The following EPHA3 variants were observed in gnomAD, a reference collection of about 807,000 sequenced individuals.
The protein encoded by EPHA3 is EPH receptor A3.
In EPHA3, 42 loss-of-function variants were observed where a neutral mutation model predicts 107.1. The ratio of observed to expected loss-of-function variants is 0.39; its 90% CI spans 0.31 to 0.51. EPHA3 has a LOEUF of 0.51. Among genes scored for constraint, EPHA3 ranks in the 20% least tolerant of loss-of-function variants. EPHA3 has a pLI of 0.78. For synonymous variants in EPHA3, 461 were observed against 424.8 expected (o/e 1.09, Z -1.05); for missense variants, 1,183 against 1,211.2 (o/e 0.98, Z 0.35).
At chr3:89,340,890 T>C in intron 3 of EPHA3, 26 bp from the exon 4 acceptor site, 1 of 1,578,186 alleles carries the variant, frequency 6.3e-7, no homozygotes, top group African/African-American at 1.4e-5. Flanking sequence ...TCACAGACTT[T>C]TAAAAGAGAG....
chr3:89,192,521 C>T (rs1396614765), intron 2 of EPHA3, among the ~76,000 whole-genome samples: 1 of 151,880 alleles, frequency 6.6e-6, no homozygotes, highest in Non-Finnish European at 1.5e-5. Context: ...GTATACACAT[C>T]AAGTAGAAAT....
At chr3:89,405,850 G>A (rs1388701855) in intron 7 of EPHA3, among the ~76,000 whole-genome samples, 1 of 152,128 alleles carries the variant, frequency 6.6e-6, no homozygotes, top group Admixed American at 6.6e-5. Flanking sequence ...CTAGAGATTA[G>A]GATGCTTATG....
At chr3:89,183,923 A>G (rs1313005154) in intron 2 of EPHA3, among the ~76,000 whole-genome samples, 1 of 152,018 alleles carries the variant, frequency 6.6e-6, no homozygotes, top group Non-Finnish European at 1.5e-5. Flanking sequence ...TGAAATGATT[A>G]TGTAAATGAT....
At chr3:89,364,649 C>T (rs1708154950) in intron 5 of EPHA3, among the ~76,000 whole-genome samples, 1 of 150,900 alleles carries the variant, frequency 6.6e-6, no homozygotes. Flanking sequence ...ATCTTGGCCT[C>T]AAAAAGGCAA....
chr3:89,261,489 T>C (rs1705416044), intron 3 of EPHA3, among the ~76,000 whole-genome samples: 1 of 152,180 alleles, frequency 6.6e-6, no homozygotes, highest in African/African-American at 2.4e-5. Context: ...TATTTTTAAG[T>C]TGTGTGCATT....
chr3:89,400,022 C>T (rs1708926099), intron 7 of EPHA3: 3 of 1,038,264 alleles, frequency 2.9e-6, no homozygotes, highest in Non-Finnish European at 3.5e-6. Context: ...TGGCCTAAAA[C>T]TGGCAAACAT....
chr3:89,231,904 G>A (rs1467485881), intron 3 of EPHA3, among the ~76,000 whole-genome samples: 3 of 152,164 alleles, frequency 2.0e-5, no homozygotes, highest in Non-Finnish European at 2.9e-5. Context: ...AATGGGATTA[G>A]AAAGGTTATG....
At chr3:89,468,776 C>CTAG (rs951081416) in intron 15 of EPHA3, among the ~76,000 whole-genome samples, 1 of 152,118 alleles carries the variant, frequency 6.6e-6, no homozygotes, top group African/African-American at 2.4e-5. Context: ...CTAATGCTTG[C>CTAG]TAGTGACAAA....
intron 2 of EPHA3, among the ~76,000 whole-genome samples, chr3:89,174,145 T>C (rs1213496397): frequency 6.6e-6 from 1 of 152,038 alleles, no homozygotes; most frequent in Admixed American, 6.5e-5. Flanking sequence ...TTAATTTAAT[T>C]GTGAATCTTA....
Position 89,479,490 on chromosome 3 carries a change from A to C in EPHA3, c.2940A>C (p.Pro980=), listed in dbSNP as rs1162722715. The C allele has an allele frequency of 6.2e-7, 1 of 1,613,986 alleles. No homozygotes were observed. ...TAGAAACGCAATCAAAGAATGGCCC[A>C]GTTCCCGTGTAAAGCACGGGACGGA... is the stretch of plus-strand genomic sequence containing the variant. ...KALETQSKNG[P]VPV is the part of the protein sequence containing the mutation. Residue 980 remains proline, a synonymous_variant, in exon 17 of 17, where the codon CCA becomes CCC. Transcript: ENST00000336596.
intron 2 of EPHA3, among the ~76,000 whole-genome samples, chr3:89,202,444 A>C (rs1705989535): frequency 6.7e-6 from 1 of 149,836 alleles, no homozygotes; most frequent in Non-Finnish European, 1.5e-5. Context: ...TGAACCCAGG[A>C]CGTGGAGGTT....
At chr3:89,288,736 G>C (rs1469321886) in intron 3 of EPHA3, among the ~76,000 whole-genome samples, 2 of 152,136 alleles carry the variant, frequency 1.3e-5, no homozygotes, top group Non-Finnish European at 2.9e-5. Flanking sequence ...CATAATGGTT[G>C]CATAAATGAT....
At chr3:89,211,766 T>C (rs1373595493) in intron 3 of EPHA3, among the ~76,000 whole-genome samples, 2 of 138,502 alleles carry the variant, frequency 1.4e-5, no homozygotes, top group Non-Finnish European at 3.1e-5. Flanking sequence ...TTCTTCTTCT[T>C]CTTCTTCTTC....
chr3:89,252,247 A>C (rs1472999119), intron 3 of EPHA3, among the ~76,000 whole-genome samples: 2 of 152,168 alleles, frequency 1.3e-5, no homozygotes, highest in Admixed American at 6.5e-5. Flanking sequence ...TTCTTTGAGA[A>C]ATGTTGAATT....
At chr3:89,165,858 C>A (rs527489648) in intron 2 of EPHA3, among the ~76,000 whole-genome samples, 1 of 152,288 alleles carries the variant, frequency 6.6e-6, no homozygotes, top group East Asian at 1.9e-4. Context: ...CTCAGAAACA[C>A]CAAATACCCA....
chr3:89,420,361 G>A (rs1307305788), intron 11 of EPHA3, among the ~76,000 whole-genome samples: 1 of 151,322 alleles, frequency 6.6e-6, no homozygotes, highest in East Asian at 1.9e-4. Context: ...TGACTAAAAA[G>A]GCATTTCCTT....
intron 2 of EPHA3, among the ~76,000 whole-genome samples, chr3:89,183,827 T>A (rs1318358823): frequency 6.6e-6 from 1 of 151,920 alleles, no homozygotes; most frequent in Non-Finnish European, 1.5e-5. Context: ...ACTGCTGTCT[T>A]ATCTGAAATT....
chr3:89,243,155 T>A (rs1225588407), intron 3 of EPHA3, among the ~76,000 whole-genome samples: 1 of 152,098 alleles, frequency 6.6e-6, no homozygotes, highest in African/African-American at 2.4e-5. Context: ...ATTCTATCAT[T>A]GATGGACATT....
chr3:89,385,050 A>G (rs929553506), intron 5 of EPHA3, among the ~76,000 whole-genome samples: 1 of 152,206 alleles, frequency 6.6e-6, no homozygotes, highest in Middle Eastern at 3.2e-3. Context: ...ACACACATAC[A>G]TAAATACAAA....
Sources: allele counts gnomAD v4.1 joint callset (sites outside exome capture counted in the v4.1 genomes callset), GRCh38; gene constraint gnomAD v4.1.1; transcripts MANE v1.5; gene names NCBI Gene and HGNC (gene_info 2026-07-23, HGNC 2026-07-21).